SARDH: variants seen among roughly 807,000 people sequenced by gnomAD.
SARDH encodes sarcosine dehydrogenase, mitochondrial.
A neutral mutation model predicts 109.1 loss-of-function variants in SARDH; 95 were observed. The observed-to-expected ratio is 0.87, with a 90% CI of 0.74 to 1.03. SARDH has a LOEUF of 1.03. Ranked by LOEUF, SARDH falls within the 50% of genes least tolerant of loss-of-function variation. SARDH has a pLI of 0.00. For synonymous variants in SARDH, 572 were observed against 534.8 expected, an observed-to-expected ratio of 1.07 and a Z score of -0.96; for missense variants, 1,267 against 1,287.8, an observed-to-expected ratio of 0.98 and a Z score of 0.25.
At chr9:133,664,128 C>T (rs1829975557) in intron 20 of SARDH, 114 bp from the exon 21 acceptor site, 9 of 1,394,434 alleles carry the variant, frequency 6.5e-6, no homozygotes, top group Admixed American at 4.6e-5. Flanking sequence ...TGTGGGCAAA[C>T]TCATCCCTGT....
At chr9:133,708,695 A>G (rs754518118) in intron 10 of SARDH, among the ~76,000 whole-genome samples, 5 of 152,098 alleles carry the variant, frequency 3.3e-5, no homozygotes, top group Non-Finnish European at 7.4e-5. Context: ...CCACAGGGAC[A>G]TGGGACTCCA....
chr9:133,695,855 C>T (rs1217081042), intron 14 of SARDH, among the ~76,000 whole-genome samples: 1 of 152,094 alleles, frequency 6.6e-6, no homozygotes, highest in East Asian at 1.9e-4. Context: ...TGTAGCTTAG[C>T]ATCCTGTGTT....
intron 16 of SARDH, among the ~76,000 whole-genome samples, chr9:133,687,150 T>A (rs998401738): frequency 6.6e-6 from 1 of 152,208 alleles, no homozygotes; most frequent in African/African-American, 2.4e-5. Context: ...CACGGGCCAC[T>A]GTGAGGAACC....
Position 133,709,190 on chromosome 9 carries a change from C to T in SARDH, c.1329-762G>A, listed in dbSNP as rs1831819837. 6.6e-6 allele frequency among the ~76,000 whole-genome samples: 1 copy of T among 152,182 alleles called. No individual in the cohort carries two copies. Among genetic ancestry groups the T allele is most frequent in the Admixed American group, 6.5e-5 (1 of 15,290 alleles). On this transcript the variant is annotated intron_variant, in intron 10 of 20. Transcript: ENST00000439388. This position sits in a 1 kb window ranked among gnomAD's most constrained non-coding sequence, Gnocchi z 4.2. Reference sequence around the variant, plus strand: ...CGGCCACGGCAGCCCCCGGTGGTGTCCAGCACGAACCCGGCGGGCCCCATG... The same window carrying T: ...CGGCCACGGCAGCCCCCGGTGGTGTTCAGCACGAACCCGGCGGGCCCCATG...
chr9:133,695,787 A>G lies in SARDH; in HGVS notation c.1807+436T>C, dbSNP rs1470474196. 2.0e-5 allele frequency among the ~76,000 whole-genome samples: 3 copies of G among 152,260 alleles called. No homozygotes were observed. In the East Asian group the frequency reaches 5.8e-4, roughly 29 times the overall value. On this transcript the variant is annotated intron_variant, in intron 14 of 20. Coordinates refer to ENST00000439388, the MANE Select transcript of SARDH (RefSeq NM_001134707.2). ...AGATGAAGATCCCAAGTATGTCCCA[A>G]ATATGGCTTGGGACATACTTACATT...
intron 17 of SARDH, 89 bp downstream of exon 17, chr9:133,685,104 C>T (rs1588399910): frequency 6.1e-6 from 7 of 1,152,864 alleles, no homozygotes; most frequent in Non-Finnish European, 6.2e-6. Flanking sequence ...GGAACCTGCC[C>T]GAGAGCCCCC....
At chr9:133,724,721 AT>A (rs35211200) in intron 6 of SARDH, among the ~76,000 whole-genome samples, 1 of 150,766 alleles carries the variant, frequency 6.6e-6, no homozygotes, top group East Asian at 1.9e-4. Flanking sequence ...CACATTTTTA[AT>A]TTTTTTTTTG....
Position 133,732,578 on chromosome 9 carries a change from T to G in SARDH, c.355A>C (p.Ser119Arg). The G allele has an allele frequency of 6.2e-7, 1 of 1,610,078 alleles. No homozygotes were observed. ...GCCAGAAGCTCCACCTCCACGTCAC[T>G]GGGCCGCAGCTGCCACAGCAGGCCT... ...TAGLLWQLRP[S>R]DVEVELLAHT... The change falls in exon 3 of 21, where the codon AGT (serine) becomes CGT (arginine). Residue 119 changes from serine to arginine, a missense_variant. Coordinates refer to ENST00000439388, the MANE Select transcript of SARDH (RefSeq NM_001134707.2).
intron 17 of SARDH, among the ~76,000 whole-genome samples, chr9:133,677,411 C>T (rs1830554401): frequency 6.6e-6 from 1 of 152,144 alleles, no homozygotes; most frequent in Admixed American, 6.5e-5. Flanking sequence ...CACCTGGGTG[C>T]AGCTTGAGGG....
chr9:133,727,378 G>A (rs1832529227), intron 6 of SARDH, among the ~76,000 whole-genome samples: 1 of 152,232 alleles, frequency 6.6e-6, no homozygotes, highest in Non-Finnish European at 1.5e-5. Context: ...GATCAGGGTA[G>A]ACAGCGTCCT....
At chr9:133,722,642 G>GCTCTCTCTCTCTCTCTCTCTCT (rs56179331) in intron 6 of SARDH, among the ~76,000 whole-genome samples, 11 of 145,746 alleles carry the variant, frequency 7.5e-5, no homozygotes, top group South Asian at 4.4e-4. Context: ...AACTACTAGC[G>GCTCTCTCTCTCTCTCTCTCTCT]CTCTCTCTCT....
In SARDH at chr9:133,663,664, T is replaced by C. The variant is rs1031018880; in HGVS notation, c.*225A>G. 1.0e-5 allele frequency: 6 copies of C among 592,132 alleles called. No homozygotes were observed. The highest frequency in any genetic ancestry group is 1.2e-5 in the Non-Finnish European group (4 of 337,470). The allele number at this position is 592,132 out of a possible 1,614,324, so 36.7% of individuals were successfully genotyped here. A position where few individuals can be genotyped will look rare whatever the true frequency, so the allele number is the denominator to read the frequency against. On this transcript the variant is annotated 3_prime_UTR_variant, in exon 21 of 21. Transcript: ENST00000439388. ...CCAAGACACTTACAGGTTTGCTTTC[T>C]GGGAGGATTGGGGTGGATTAGAGAC...
At chr9:133,687,594 G>A (rs1032993756) in intron 16 of SARDH, among the ~76,000 whole-genome samples, 3 of 152,006 alleles carry the variant, frequency 2.0e-5, no homozygotes, top group African/African-American at 7.3e-5. Flanking sequence ...ACCAGCACAG[G>A]GGGCTATTTG....
Position 133,728,900 on chromosome 9 carries a change from A to G in SARDH, c.915+865T>C, listed in dbSNP as rs919176634. On this transcript the variant is annotated intron_variant, in intron 6 of 20. Coordinates refer to ENST00000439388, the MANE Select transcript of SARDH (RefSeq NM_001134707.2). This position sits in a 1 kb window ranked among gnomAD's most constrained non-coding sequence, Gnocchi z 5.0. The stretch of plus-strand genomic sequence containing the variant: ...GAAGTTTAGGTGGGTGGGTGGATGG[A>G]AGGATATATGAAAGAAGGGATGGAC... Among the ~76,000 whole-genome samples, 2 of 152,066 alleles carry G rather than the reference A, an allele frequency of 1.3e-5. No individual in the cohort carries two copies. Among genetic ancestry groups the G allele is most frequent in the Admixed American group, 6.5e-5 (1 of 15,270 alleles).
chr9:133,735,222 T>G (rs1308165639), intron 1 of SARDH, among the ~76,000 whole-genome samples: 1 of 152,104 alleles, frequency 6.6e-6, no homozygotes, highest in Non-Finnish European at 1.5e-5. Context: ...CAAAGCTCGG[T>G]GGGACTAAGG....
At chr9:133,698,173 T>C (rs973126869) in intron 13 of SARDH, among the ~76,000 whole-genome samples, 4 of 152,240 alleles carry the variant, frequency 2.6e-5, no homozygotes, top group Middle Eastern at 6.8e-3. Context: ...ATTATATTTG[T>C]AATATCATCA....
intron 17 of SARDH, among the ~76,000 whole-genome samples, chr9:133,673,410 A>T (rs1830416321): frequency 6.6e-6 from 1 of 152,196 alleles, no homozygotes; most frequent in South Asian, 2.1e-4. Context: ...ACAGCGGAGG[A>T]GCTGATTCCA....
rs1026279315 is a variant in SARDH at position 133,692,219 on chromosome 9, G to A, written c.1922-1692C>T. ...CCACCAATGGGGGAAACTGAGGCTC[G>A]GGGGGGCAGGTCGCTGAGCCAGGTA... On this transcript the variant is annotated intron_variant, in intron 15 of 20. Coordinates refer to ENST00000439388, the MANE Select transcript of SARDH (RefSeq NM_001134707.2). The surrounding 1 kb of genome is among the most constrained non-coding windows in gnomAD (Gnocchi z 5.0). 1.3e-5 allele frequency among the ~76,000 whole-genome samples: 2 copies of A among 151,904 alleles called. No individual in the cohort carries two copies. The highest frequency in any genetic ancestry group is 2.4e-5 in the African/African-American group (1 of 41,342).
Position 133,738,248 on chromosome 9 carries a change from A to G in SARDH, c.-31+6T>C, listed in dbSNP as rs1483818567. On this transcript the variant is annotated splice_donor_region_variant and intron_variant, in intron 1 of 20. Coordinates refer to ENST00000439388, the MANE Select transcript of SARDH (RefSeq NM_001134707.2). ...CGTCCCTCCCTGGGGGTGTACCTCC[A>G]AGTACCTCTTGTCAGCTGCAGTGCC... 6.6e-6 allele frequency: 1 copy of G among 152,450 alleles called. No individual in the cohort carries two copies. Among genetic ancestry groups the G allele is most frequent in the Non-Finnish European group, 1.5e-5 (1 of 68,234 alleles). The allele number at this position is 152,450 out of a possible 1,614,324, so 9.4% of individuals were successfully genotyped here.
Sources: allele counts gnomAD v4.1 joint callset (sites outside exome capture counted in the v4.1 genomes callset), GRCh38; gene constraint gnomAD v4.1.1; non-coding constraint Gnocchi (gnomAD v3.1); transcripts MANE v1.5; gene names NCBI Gene and HGNC (gene_info 2026-07-23, HGNC 2026-07-21).